Variants in LRTM1 observed in about 807,000 individuals in gnomAD.
LRTM1 encodes leucine-rich repeat and transmembrane domain-containing protein 1.
In LRTM1, 38 loss-of-function variants were observed where a neutral mutation model predicts 32.4. The ratio of observed to expected loss-of-function variants is 1.17; its 90% CI spans 0.91 to 1.54. The LOEUF is 1.54. Among genes scored for constraint, LRTM1 ranks in the 40% most tolerant of loss-of-function variants. The pLI, the probability that LRTM1 is intolerant of heterozygous loss-of-function variation, is 0.00. For synonymous variants in LRTM1, 186 were observed against 169.9 expected (o/e 1.09, Z -0.74); for missense variants, 466 against 415.4 (o/e 1.12, Z -1.06).
At chr3:54,955,079 G>C (rs1008129086) in intron 1 of LRTM1, among the ~76,000 whole-genome samples, 3 of 152,182 alleles carry the variant, frequency 2.0e-5, no homozygotes, top group African/African-American at 7.2e-5. Context: ...TAGTAGGAGA[G>C]AAGACATACA....
rs1700732431 is a variant in LRTM1, at chr3:54,918,533, C to A, written c.964G>T (p.Gly322Trp). Residue 322 changes from glycine to tryptophan, a missense_variant, in exon 3 of 3, where the codon GGG becomes TGG. By Grantham distance (184) the Gly-to-Trp change is radical. Coordinates refer to ENST00000273286, the MANE Select transcript of LRTM1 (RefSeq NM_020678.4). ...TCATTGGTTTGAGCCAAGGGTCCCC[C>A]ATGGTACTGGGCTGTGATTGCCGCA... The part of the protein sequence containing the change: ...TYAAITAQYH[G>W]GPLAQTNDPG... The A allele has an allele frequency of 6.2e-7, 1 of 1,614,028 alleles. No homozygotes were observed. Among genetic ancestry groups the A allele is most frequent in the South Asian group, 1.1e-5 (1 of 91,072 alleles).
intron 1 of LRTM1, among the ~76,000 whole-genome samples, chr3:54,957,599 G>T (rs1701931836): frequency 6.6e-6 from 1 of 152,200 alleles, no homozygotes; most frequent in Admixed American, 6.5e-5. Context: ...GGTCTGGTGT[G>T]TGTGTTAGGG....
At position 54,918,409 on chromosome 3, in the gene LRTM1, G is replaced by C; in HGVS notation, c.*50C>G. 7.0e-7 allele frequency: 1 copy of C among 1,431,642 alleles called. No individual in the cohort carries two copies. Among genetic ancestry groups the C allele is most frequent in the Non-Finnish European group, 9.4e-7 (1 of 1,060,370 alleles). 88.7% of individuals were successfully genotyped at this position (1,431,642 alleles called of 1,614,324 possible). ...ACAGGAAACACATCAGCCCTACTCA[G>C]ACACTATCTTCTGGCCTGCAATGAC... On this transcript the variant is annotated 3_prime_UTR_variant, in exon 3 of 3. Coordinates refer to ENST00000273286, the MANE Select transcript of LRTM1 (RefSeq NM_020678.4).
At chr3:54,919,402 G>T (rs1253463741) in intron 2 of LRTM1, among the ~76,000 whole-genome samples, 2 of 152,238 alleles carry the variant, frequency 1.3e-5, no homozygotes, top group African/African-American at 4.8e-5. Context: ...CAAATGGAGA[G>T]GTGGAATGGT....
At position 54,956,346 on chromosome 3, in the gene LRTM1, G is replaced by C. The variant is rs1336186827; in HGVS notation, c.-222+10582C>G. On this transcript the variant is annotated intron_variant, in intron 1 of 2. Transcript: ENST00000493075. ...GAATTGGAGATTCCGGGAAAAGAAAGTGATGGTCTTGTTGACCCACCACCA... is the reference window on the plus strand; with the variant it reads ...GAATTGGAGATTCCGGGAAAAGAAACTGATGGTCTTGTTGACCCACCACCA... Among the ~76,000 whole-genome samples, 4 of 152,226 alleles carry C rather than the reference G, an allele frequency of 2.6e-5. No homozygotes were observed. The South Asian group carries it at 8.3e-4, about 32-fold the overall frequency.
chr3:54,943,952 C>T (rs1701544145), intron 1 of LRTM1, among the ~76,000 whole-genome samples: 2 of 152,336 alleles, frequency 1.3e-5, no homozygotes. Context: ...AAAATTTCCT[C>T]CGACCTTGTA....
At chr3:54,927,234 A>G (rs1220620488) in intron 1 of LRTM1, among the ~76,000 whole-genome samples, 1 of 152,194 alleles carries the variant, frequency 6.6e-6, no homozygotes, top group African/African-American at 2.4e-5. Flanking sequence ...TGAGGCTAAC[A>G]GTGCTCTAGG....
At chr3:54,931,476 G>A (rs1344269461), upstream of LRTM1, among the ~76,000 whole-genome samples, 2 of 152,142 alleles carry the variant, frequency 1.3e-5, no homozygotes, top group Non-Finnish European at 2.9e-5. Flanking sequence ...CCCGTGGTGA[G>A]CAGATCCAAG....
At chr3:54,921,083 T>C (rs1386631501) in intron 2 of LRTM1, among the ~76,000 whole-genome samples, 1 of 152,220 alleles carries the variant, frequency 6.6e-6, no homozygotes, top group African/African-American at 2.4e-5. Context: ...ATCTGCTGAT[T>C]ACAGCTTGAG....
chr3:54,938,107 A>C (rs1443281552), intron 1 of LRTM1, among the ~76,000 whole-genome samples: 1 of 152,160 alleles, frequency 6.6e-6, no homozygotes, highest in Non-Finnish European at 1.5e-5. Flanking sequence ...GTTGTGGGCA[A>C]ATCCTTTCTG....
chr3:54,959,366 C>T (rs927071327), intron 1 of LRTM1, among the ~76,000 whole-genome samples: 7 of 152,266 alleles, frequency 4.6e-5, no homozygotes, highest in Middle Eastern at 3.4e-3. Flanking sequence ...TTGCCATCTC[C>T]GTGCCCTGTA....
In LRTM1 at chr3:54,939,040, C is replaced by T. The variant is rs186221624; in HGVS notation, c.-221-13825G>A. Among the ~76,000 whole-genome samples the T allele has an allele frequency of 4.6e-4, 70 of 152,290 alleles. 1 individual carries two copies. The highest frequency in any genetic ancestry group is 8.2e-4 in the Non-Finnish European group (56 of 68,018). On this transcript the variant is annotated intron_variant, in intron 1 of 2. Coordinates refer to the LRTM1 transcript ENST00000493075. ...AAGAGGAAACTGTGATGCTACCTCT[C>T]CATTTGGGATAATGAGGCACTGTTA...
At chr3:54,938,740 G>A (rs904172827) in intron 1 of LRTM1, among the ~76,000 whole-genome samples, 1 of 152,012 alleles carries the variant, frequency 6.6e-6, no homozygotes, top group East Asian at 1.9e-4. Context: ...TCTTTCAAGG[G>A]AAACACAAAA....
At chr3:54,938,871 ATTAG>A (rs774758294) in intron 1 of LRTM1, among the ~76,000 whole-genome samples, 24 of 152,132 alleles carry the variant, frequency 1.6e-4, no homozygotes, top group Non-Finnish European at 2.5e-4. Context: ...GACAATCCCC[ATTAG>A]TGTGCCATGG....
At chr3:54,963,340 T>A (rs568329818) in intron 1 of LRTM1, among the ~76,000 whole-genome samples, 14 of 152,220 alleles carry the variant, frequency 9.2e-5, no homozygotes, top group Middle Eastern at 3.4e-3. Context: ...AGGGTCCATT[T>A]CTTTTCTATG....
intron 1 of LRTM1, among the ~76,000 whole-genome samples, chr3:54,956,751 C>G (rs1701906165): frequency 6.6e-6 from 1 of 152,014 alleles, no homozygotes; most frequent in African/African-American, 2.4e-5. Flanking sequence ...AAGACAGAAC[C>G]CATTTGAATA....
intron 1 of LRTM1, among the ~76,000 whole-genome samples, chr3:54,934,600 CA>C (rs1387979685): frequency 6.6e-6 from 1 of 152,122 alleles, no homozygotes; most frequent in Non-Finnish European, 1.5e-5. Flanking sequence ...AGACAGTGGC[CA>C]AAATCTTTCT....
intron 1 of LRTM1, among the ~76,000 whole-genome samples, chr3:54,956,723 G>A (rs1315710573): frequency 6.6e-6 from 1 of 152,096 alleles, no homozygotes; most frequent in African/African-American, 2.4e-5. Flanking sequence ...AAGCAAATCA[G>A]TCATCATTAC....
chr3:54,926,252 A>G (rs1701014263), intron 1 of LRTM1, among the ~76,000 whole-genome samples: 1 of 152,184 alleles, frequency 6.6e-6, no homozygotes, highest in South Asian at 2.1e-4. Flanking sequence ...ATAAATATGT[A>G]TATTAATTAA....
Sources: allele counts gnomAD v4.1 joint callset (sites outside exome capture counted in the v4.1 genomes callset), GRCh38; gene constraint gnomAD v4.1.1; transcripts MANE v1.5; gene names NCBI Gene and HGNC (gene_info 2026-07-23, HGNC 2026-07-21).